The following FGF1 variants were observed in gnomAD, a reference collection of about 807,000 sequenced individuals.
The protein encoded by FGF1 is beta-endothelial cell growth factor.
Under a neutral mutation model 13.4 loss-of-function variants are expected in FGF1, and 9 were observed. The ratio of observed to expected loss-of-function variants is 0.67; its 90% CI spans 0.40 to 1.17. The LOEUF is 1.17. Ranked by LOEUF, FGF1 falls within the 50% of genes most tolerant of loss-of-function variation. The pLI is 0.01. For missense variants in FGF1, 156 were observed against 192.7 expected (o/e 0.81, Z 1.13); for synonymous variants, 93 against 79.0 (o/e 1.18, Z -0.94).
chr5:142,661,002 G>A (rs1350852828), intron 1 of FGF1, among the ~76,000 whole-genome samples: 1 of 152,124 alleles, frequency 6.6e-6, no homozygotes. Flanking sequence ...CAGGATATGT[G>A]GTAAGAGGGG....
At chr5:142,627,363 C>A (rs1762624643) in intron 1 of FGF1, among the ~76,000 whole-genome samples, 1 of 152,120 alleles carries the variant, frequency 6.6e-6, no homozygotes, top group Admixed American at 6.6e-5. Context: ...ATAATAAAAC[C>A]CTCAGTCCCG....
rs183661123 is a variant in FGF1, at chr5:142,667,106, C to T, written c.-35+18851G>A. Among the ~76,000 whole-genome samples, 233 of 151,602 alleles carry T rather than the reference C, an allele frequency of 1.5e-3. 1 individual carries two copies. Among genetic ancestry groups the T allele is most frequent in the East Asian group, 6.2e-3 (32 of 5,160 alleles). On this transcript the variant is annotated intron_variant, in intron 1 of 3. Transcript: ENST00000337706. ...ATCAGCCTGGCCAATATGGTAAAAC[C>T]CCGTCTCTACTAAAAATACAAAAAT...
intron 1 of FGF1, among the ~76,000 whole-genome samples, chr5:142,627,371 C>T (rs895586881): frequency 6.6e-6 from 1 of 152,160 alleles, no homozygotes; most frequent in South Asian, 2.1e-4. Context: ...ACCCTCAGTC[C>T]CGAAATACCA....
chr5:142,652,977 G>C (rs1447800095), intron 1 of FGF1, among the ~76,000 whole-genome samples: 1 of 152,160 alleles, frequency 6.6e-6, no homozygotes, highest in Non-Finnish European at 1.5e-5. Flanking sequence ...GCCTTCTCTT[G>C]GGAGGCTCCA....
At chr5:142,620,817 T>A (rs1467010067) in intron 1 of FGF1, among the ~76,000 whole-genome samples, 1 of 152,112 alleles carries the variant, frequency 6.6e-6, no homozygotes, top group East Asian at 1.9e-4. Flanking sequence ...CATGGAGCAT[T>A]TACGAAAATT....
intron 1 of FGF1, among the ~76,000 whole-genome samples, chr5:142,647,206 G>A (rs1766324450): frequency 6.6e-6 from 1 of 152,180 alleles, no homozygotes; most frequent in East Asian, 1.9e-4. Flanking sequence ...CTTAAAAGCA[G>A]AGCATAAATT....
rs563661847 is a variant in FGF1 at position 142,677,038 on chromosome 5, C to T, written c.-35+8919G>A. 5.9e-5 allele frequency among the ~76,000 whole-genome samples: 9 copies of T among 152,338 alleles called. No individual in the cohort carries two copies. In the South Asian group the frequency reaches 1.2e-3, roughly 21 times the overall value. ...CAACTGCAAAAAGCCTGGACTGGCC[C>T]GGGCAGCAGCTCTCTTCTCCTCTGG... On this transcript the variant is annotated intron_variant, in intron 1 of 3. Coordinates refer to ENST00000337706, the MANE Select transcript of FGF1 (RefSeq NM_000800.5).
intron 1 of FGF1, among the ~76,000 whole-genome samples, chr5:142,681,773 A>C (rs1437965449): frequency 6.6e-6 from 1 of 152,124 alleles, no homozygotes; most frequent in African/African-American, 2.4e-5. Flanking sequence ...ACCTTAGCCA[A>C]ACACCCCACC....
In FGF1 at chr5:142,606,242, G is replaced by GTGTGTGTA. The variant is rs144232060; in HGVS notation, c.170-5438_170-5437insTACACACA. 2.6e-3 allele frequency among the ~76,000 whole-genome samples: 384 copies of GTGTGTGTA among 148,002 alleles called. 12 individuals carry two copies. Among genetic ancestry groups the GTGTGTGTA allele is most frequent in the Admixed American group, 0.021 (307 of 14,740 alleles). The stretch of plus-strand genomic sequence containing the variant: ...TCTGTGTGTGTGTGTGTGTGTGTGT[G>GTGTGTGTA]TGTATGTAGTTTTTTTTTTTAATCC... On this transcript the variant is annotated intron_variant, in intron 2 of 3. Transcript: ENST00000337706.
intron 1 of FGF1, among the ~76,000 whole-genome samples, chr5:142,653,648 T>C (rs891500460): frequency 6.6e-6 from 1 of 152,238 alleles, no homozygotes; most frequent in African/African-American, 2.4e-5. Flanking sequence ...CAGCTGTGAC[T>C]TCTTCAGGGA....
At chr5:142,607,835 C>T (rs748671494) in intron 2 of FGF1, among the ~76,000 whole-genome samples, 4 of 152,188 alleles carry the variant, frequency 2.6e-5, no homozygotes, top group Non-Finnish European at 5.9e-5. Flanking sequence ...TCCCTGCATA[C>T]CTGGGAAACC....
chr5:142,593,119 T>A lies in FGF1; in HGVS notation c.*2171A>T, dbSNP rs1232615833. On this transcript the variant is annotated 3_prime_UTR_variant, in exon 4 of 4. Transcript: ENST00000337706. ...GCATCTCCGAAATCACAGACTTCCA[T>A]TTCACAAGTTAGCAATGGTATTTAA... 6.6e-6 allele frequency: 1 copy of A among 152,206 alleles called. No individual in the cohort carries two copies. Among genetic ancestry groups the A allele is most frequent in the East Asian group, 1.9e-4 (1 of 5,198 alleles). 9.4% of individuals were successfully genotyped at this position (152,206 alleles called of 1,614,324 possible). A position where few individuals can be genotyped will look rare whatever the true frequency, so the allele number is the denominator to read the frequency against.
At chr5:142,661,915 A>G (rs1423951273) in intron 1 of FGF1, among the ~76,000 whole-genome samples, 4 of 152,078 alleles carry the variant, frequency 2.6e-5, no homozygotes, top group Non-Finnish European at 5.9e-5. Context: ...AGGCAGGAGA[A>G]TGGCGTGAAC....
At chr5:142,637,720 G>T (rs946153454) in intron 1 of FGF1, among the ~76,000 whole-genome samples, 4 of 152,036 alleles carry the variant, frequency 2.6e-5, no homozygotes, top group African/African-American at 9.7e-5. Context: ...CTGCTCTTCT[G>T]CACCCTGCCT....
intron 1 of FGF1, among the ~76,000 whole-genome samples, chr5:142,673,654 A>C (rs1771912950): frequency 6.6e-6 from 1 of 152,140 alleles, no homozygotes; most frequent in Non-Finnish European, 1.5e-5. Flanking sequence ...GCTCCACTCC[A>C]GCCTCAGCCA....
At chr5:142,599,087 C>T (rs993252406) in intron 3 of FGF1, among the ~76,000 whole-genome samples, 6 of 152,092 alleles carry the variant, frequency 3.9e-5, no homozygotes, top group South Asian at 2.1e-4. Flanking sequence ...CTGTGTGAGG[C>T]GGTTATGATC....
chr5:142,611,531 G>T (rs1039250067), intron 2 of FGF1, among the ~76,000 whole-genome samples: 12 of 152,198 alleles, frequency 7.9e-5, no homozygotes, highest in African/African-American at 2.2e-4. Context: ...CAAACAGAAA[G>T]AATGCATAAT....
chr5:142,592,477 A>G lies in FGF1; in HGVS notation c.*2813T>C. 2.5e-6 allele frequency: 1 copy of G among 398,488 alleles called. No individual in the cohort carries two copies. 24.7% of individuals were successfully genotyped at this position (398,488 alleles called of 1,614,324 possible). ...AAGGAAACCAATACCTACCTCCACC[A>G]CCATCACATTGCAAACGACCAAAAG... On this transcript the variant is annotated 3_prime_UTR_variant, in exon 4 of 4. Coordinates refer to ENST00000337706, the MANE Select transcript of FGF1 (RefSeq NM_000800.5).
chr5:142,600,611 T>C, intron 3 of FGF1, 91 bp downstream of exon 3: 2 of 847,680 alleles, frequency 2.4e-6, no homozygotes, highest in South Asian at 2.7e-5. Flanking sequence ...AGACTAATTG[T>C]TGCTTTATAG....
Sources: allele counts gnomAD v4.1 joint callset (sites outside exome capture counted in the v4.1 genomes callset), GRCh38; gene constraint gnomAD v4.1.1; transcripts MANE v1.5; gene names NCBI Gene and HGNC (gene_info 2026-07-23, HGNC 2026-07-21).